THRAP3: variants seen among roughly 807,000 people sequenced by gnomAD.
The protein encoded by THRAP3 is thyroid hormone receptor associated protein 3.
Under a neutral mutation model 101.0 loss-of-function variants are expected in THRAP3, and 16 were observed. The observed-to-expected ratio is 0.16, with a 90% confidence interval of 0.11 to 0.24. The LOEUF is 0.24. THRAP3 is among the 10% of genes least tolerant of loss of function. The pLI is 1.00. For missense variants in THRAP3, 989 were observed against 1,202.7 expected (o/e 0.82, Z 2.63); for synonymous variants, 407 against 422.6 (o/e 0.96, Z 0.45).
At chr1:36,266,255 G>T (rs1645513472) in intron 2 of THRAP3, among the ~76,000 whole-genome samples, 1 of 151,954 alleles carries the variant, frequency 6.6e-6, no homozygotes, top group Non-Finnish European at 1.5e-5. Context: ...AGATGCAGAG[G>T]TTGCAGTCAC....
At chr1:36,302,684 G>T (rs1043633122) in intron 11 of THRAP3, among the ~76,000 whole-genome samples, 1 of 151,982 alleles carries the variant, frequency 6.6e-6, no homozygotes, top group East Asian at 2.0e-4. Flanking sequence ...AGCTTTTGTG[G>T]GGGGGTGGTT....
chr1:36,279,023 G>T (rs1022330059), intron 2 of THRAP3, among the ~76,000 whole-genome samples: 4 of 152,120 alleles, frequency 2.6e-5, no homozygotes, highest in African/African-American at 9.7e-5. Context: ...ATGGGAGTCG[G>T]GGGGCGTCAC....
chr1:36,291,253 T>TA, intron 5 of THRAP3, 121 bp from the exon 6 acceptor site: 1 of 1,053,252 alleles, frequency 9.5e-7, no homozygotes. Context: ...ACTTTCAACT[T>TA]CGGTAGGAAG....
At position 36,286,279 on chromosome 1, in the gene THRAP3, TA is replaced by T; in HGVS notation, c.138-87del. ...AACAAAACTGAAAGTGAATGACACA[TA>T]AGGGCAGGGATTTCAGAACAGATTT... On this transcript the variant is annotated intron_variant, in intron 3 of 11. Transcript: ENST00000354618. This position sits in a 1 kb window ranked among gnomAD's most constrained non-coding sequence, Gnocchi z 5.5. 1.5e-6 allele frequency: 2 copies of T among 1,347,734 alleles called. No individual in the cohort carries two copies. The highest frequency in any genetic ancestry group is 1.4e-5 in the South Asian group (1 of 69,086). 83.5% of individuals were successfully genotyped at this position (1,347,734 alleles called of 1,614,324 possible). A position where few individuals can be genotyped will look rare whatever the true frequency, so the allele number is the denominator to read the frequency against.
At chr1:36,216,524 G>A in the THRAP3 span, among the ~76,000 whole-genome samples, 9 of 148,414 alleles carry the variant, frequency 6.1e-5, no homozygotes, top group Non-Finnish European at 1.0e-4. Flanking sequence ...AAAAAATGCC[G>A]GGTGTGGTGG....
Position 36,303,935 on chromosome 1 carries a change from G to T in THRAP3, c.2786G>T (p.Gly929Val). 6.2e-7 allele frequency: 1 copy of T among 1,613,006 alleles called. No homozygotes were observed. The highest frequency in any genetic ancestry group is 8.5e-7 in the Non-Finnish European group (1 of 1,179,518). Residue 929 changes from glycine to valine, a missense_variant, in exon 12 of 12, where the codon GGG (glycine) becomes GTG (valine). Physicochemically the swap from Gly to Val is moderately radical, Grantham distance 109 (BLOSUM62 -3). Transcript: ENST00000354618. ...AAGTGGGCCCATGACAAGTTCAGTG[G>T]GGAGGAAGGGGAGATTGAAGACGAC... is the stretch of plus-strand genomic sequence containing the variant. ...SPKWAHDKFSGEEGEIEDDES... is the reference protein window; with the variant it reads ...SPKWAHDKFSVEEGEIEDDES...
At chr1:36,228,041 T>A (rs1644982031) in intron 1 of THRAP3, among the ~76,000 whole-genome samples, 2 of 135,276 alleles carry the variant, frequency 1.5e-5, no homozygotes, top group Non-Finnish European at 3.2e-5. Context: ...ACACGTGGCC[T>A]CTTTTTTTTT....
At chr1:36,221,912 C>G (rs1246306130), upstream of THRAP3, among the ~76,000 whole-genome samples, 2 of 151,564 alleles carry the variant, frequency 1.3e-5, no homozygotes, top group African/African-American at 4.9e-5. Context: ...TGGGTTCAAG[C>G]GATTCTCCTG....
chr1:36,247,415 C>T (rs553644296), intron 1 of THRAP3, among the ~76,000 whole-genome samples: 2 of 151,992 alleles, frequency 1.3e-5, no homozygotes, highest in African/African-American at 2.4e-5. Context: ...ACCTCGGCCT[C>T]GTAGGTTCAA....
intron 5 of THRAP3, among the ~76,000 whole-genome samples, chr1:36,290,735 G>T (rs1645857283): frequency 6.6e-6 from 1 of 152,072 alleles, no homozygotes; most frequent in Non-Finnish European, 1.5e-5. Context: ...CAAAGTGCTG[G>T]GATTACAGGC....
At position 36,296,659 on chromosome 1, in the gene THRAP3, A is replaced by G. The variant is rs202129329; in HGVS notation, c.2192A>G (p.Asp731Gly). Residue 731 changes from aspartate to glycine, a missense_variant, in exon 9 of 12, where the codon GAT becomes GGT. Physicochemically the swap from Asp to Gly is moderately conservative, Grantham distance 94. Transcript: ENST00000354618. ...IERRKKHKER[D>G]LKRGKSRESV... ...CGTCGTAAAAAACATAAGGAGAGAG[A>G]TCTTAAACGAGGTAAATCGAGAGAA... 9 of 1,610,116 alleles carry G rather than the reference A, an allele frequency of 5.6e-6. No individual in the cohort carries two copies. The highest frequency in any genetic ancestry group is 7.6e-6 in the Non-Finnish European group (9 of 1,179,150).
chr1:36,287,231 A>G lies in THRAP3; in HGVS notation c.1001A>G (p.Glu334Gly), dbSNP rs1645808448. Residue 334 changes from glutamate (E) to glycine (G), a missense_variant, in exon 4 of 12, where the codon GAG becomes GGG. Coordinates refer to ENST00000354618, the MANE Select transcript of THRAP3 (RefSeq NM_005119.4). ...TGSTYGSSQK[E>G]ESAASGGAAY... is the part of the protein sequence containing the mutation. ...TCCACATATGGCTCATCTCAGAAGG[A>G]GGAGAGTGCTGCTTCAGGAGGAGCA... 6.2e-7 allele frequency: 1 copy of G among 1,613,452 alleles called. No individual in the cohort carries two copies. Among genetic ancestry groups the G allele is most frequent in the African/African-American group, 1.3e-5 (1 of 75,030 alleles).
chr1:36,221,854 G>A (rs1395650747), upstream of THRAP3, among the ~76,000 whole-genome samples: 1 of 150,830 alleles, frequency 6.6e-6, no homozygotes, highest in African/African-American at 2.4e-5. Context: ...TTGTTACTCA[G>A]GCTGGAGTGC....
chr1:36,297,364 C>T (rs1645966156), intron 9 of THRAP3, among the ~76,000 whole-genome samples: 3 of 151,662 alleles, frequency 2.0e-5, no homozygotes, highest in East Asian at 3.9e-4. Flanking sequence ...TCATGTGTCA[C>T]GAAAAGTAGC....
the THRAP3 span, among the ~76,000 whole-genome samples, chr1:36,217,683 C>T: frequency 6.6e-6 from 1 of 152,112 alleles, no homozygotes; most frequent in African/African-American, 2.4e-5. Flanking sequence ...ATTATTATAT[C>T]TGTTATGGTG....
chr1:36,277,378 T>G (rs1645674236), intron 2 of THRAP3, among the ~76,000 whole-genome samples: 1 of 150,556 alleles, frequency 6.6e-6, no homozygotes, highest in Non-Finnish European at 1.5e-5. Context: ...TTTTGTATAT[T>G]TAGTAGAGAT....
At chr1:36,273,045 C>T (rs1189030923) in intron 2 of THRAP3, among the ~76,000 whole-genome samples, 4 of 152,174 alleles carry the variant, frequency 2.6e-5, no homozygotes, top group African/African-American at 9.7e-5. Context: ...TTAACAAGTA[C>T]AAAGTGTCCA....
intron 11 of THRAP3, among the ~76,000 whole-genome samples, chr1:36,302,963 C>A (rs1388429669): frequency 6.6e-6 from 1 of 152,070 alleles, no homozygotes; most frequent in Non-Finnish European, 1.5e-5. Context: ...ATCAGGAAAG[C>A]CCCAGCCCCA....
chr1:36,249,153 G>T lies in THRAP3; in HGVS notation c.-134-10229G>T, dbSNP rs146789578. On this transcript the variant is annotated intron_variant, in intron 1 of 11. Coordinates refer to ENST00000354618, the MANE Select transcript of THRAP3 (RefSeq NM_005119.4). ...TCCACCTGGGCCTCCCAAAGTGCTG[G>T]GATACAGGTGCAAGCCACCGCACCC... Among the ~76,000 whole-genome samples, 1,464 of 150,136 alleles carry T rather than the reference G, an allele frequency of 9.8e-3. 27 individuals are homozygous for T. Among genetic ancestry groups the T allele is most frequent in the African/African-American group, 0.034 (1,377 of 40,776 alleles).
Sources: allele counts gnomAD v4.1 joint callset (sites outside exome capture counted in the v4.1 genomes callset), GRCh38; gene constraint gnomAD v4.1.1; non-coding constraint Gnocchi (gnomAD v3.1); transcripts MANE v1.5; gene names NCBI Gene and HGNC (gene_info 2026-07-23, HGNC 2026-07-21).